FARS2: variants seen among roughly 807,000 people sequenced by gnomAD.
The protein encoded by FARS2 is phenylalanine--tRNA ligase, mitochondrial.
FARS2 carries 40 observed loss-of-function variants against 46.4 expected under a neutral mutation model. That is an observed-to-expected ratio of 0.86 (90% CI 0.67 to 1.12). The LOEUF is 1.12. FARS2 is among the 50% of genes most tolerant of loss of function. The pLI is 0.00. For missense variants in FARS2, 513 were observed against 567.9 expected (o/e 0.90, Z 0.98); for synonymous variants, 234 against 214.9 (o/e 1.09, Z -0.78).
intron 5 of FARS2, among the ~76,000 whole-genome samples, chr6:5,607,527 A>C (rs1231925546): frequency 3.3e-5 from 5 of 152,150 alleles, no homozygotes; most frequent in Admixed American, 6.5e-5. Context: ...AATAGATTAA[A>C]GTGACCTGTT....
intron 1 of FARS2, among the ~76,000 whole-genome samples, chr6:5,308,841 G>T (rs1262485744): frequency 6.6e-6 from 1 of 152,166 alleles, no homozygotes. Flanking sequence ...AGACCTCAAG[G>T]CTGGGGAGTC....
chr6:5,757,165 A>G (rs1170642816), intron 6 of FARS2, among the ~76,000 whole-genome samples: 2 of 133,544 alleles, frequency 1.5e-5, no homozygotes, highest in Non-Finnish European at 3.0e-5. Context: ...TAAGCCTGAC[A>G]TCTTTTTTTT....
chr6:5,266,755 C>T (rs757479090), intron 1 of FARS2, among the ~76,000 whole-genome samples: 4 of 152,032 alleles, frequency 2.6e-5, no homozygotes, highest in Non-Finnish European at 2.9e-5. Context: ...TAAAGCTAAC[C>T]GGTTTGTATT....
intron 6 of FARS2, among the ~76,000 whole-genome samples, chr6:5,663,010 C>CT (rs1777921143): frequency 6.6e-6 from 1 of 152,208 alleles, no homozygotes; most frequent in African/African-American, 2.4e-5. Flanking sequence ...CTTCGGAAGC[C>CT]TGTTACCTTC....
chr6:5,614,169 A>T (rs755509165), intron 6 of FARS2, among the ~76,000 whole-genome samples: 2 of 152,158 alleles, frequency 1.3e-5, no homozygotes, highest in Non-Finnish European at 2.9e-5. Flanking sequence ...GAAGCTATAG[A>T]AGGATAGGAG....
chr6:5,377,337 G>T (rs756517911), intron 2 of FARS2, among the ~76,000 whole-genome samples: 1 of 152,178 alleles, frequency 6.6e-6, no homozygotes, highest in Non-Finnish European at 1.5e-5. Context: ...CAGGCATTCC[G>T]CAGGTTGTTC....
At chr6:5,638,550 G>A (rs1776656023) in intron 6 of FARS2, among the ~76,000 whole-genome samples, 1 of 152,206 alleles carries the variant, frequency 6.6e-6, no homozygotes, top group South Asian at 2.1e-4. Context: ...GCCTGACAGA[G>A]CGAGACTCTG....
intron 4 of FARS2, among the ~76,000 whole-genome samples, chr6:5,537,573 T>C: frequency 7.0e-6 from 1 of 143,292 alleles, no homozygotes. Flanking sequence ...GGGCTTCCTC[T>C]CGAGTTGGAG....
At chr6:5,503,373 AACACACAC>A (rs72295741) in intron 4 of FARS2, among the ~76,000 whole-genome samples, 4 of 136,264 alleles carry the variant, frequency 2.9e-5, no homozygotes, top group Admixed American at 7.5e-5. Flanking sequence ...AGGTATTCTT[AACACACAC>A]ACACACACAC....
At chr6:5,581,455 A>C (rs1308709018) in intron 5 of FARS2, among the ~76,000 whole-genome samples, 2 of 152,198 alleles carry the variant, frequency 1.3e-5, no homozygotes. Flanking sequence ...GCTGCTGAAG[A>C]AGCTGAACAT....
chr6:5,355,805 C>G (rs1219501643), intron 1 of FARS2, among the ~76,000 whole-genome samples: 1 of 152,098 alleles, frequency 6.6e-6, no homozygotes. Flanking sequence ...CTGCTGTCTC[C>G]CAGCCACATC....
At chr6:5,625,846 C>T (rs1052006474) in intron 6 of FARS2, among the ~76,000 whole-genome samples, 7 of 152,156 alleles carry the variant, frequency 4.6e-5, no homozygotes, top group Non-Finnish European at 8.8e-5. Context: ...GATGGTCTCT[C>T]CGGAGAGGTG....
chr6:5,272,254 A>G (rs2127829181), intron 1 of FARS2, among the ~76,000 whole-genome samples: 1 of 152,348 alleles, frequency 6.6e-6, no homozygotes, highest in South Asian at 2.1e-4. Context: ...TTTGAGAGAG[A>G]GAAGAGACCA....
At chr6:5,675,645 C>T (rs1374054443) in intron 6 of FARS2, among the ~76,000 whole-genome samples, 2 of 152,174 alleles carry the variant, frequency 1.3e-5, no homozygotes, top group African/African-American at 2.4e-5. Flanking sequence ...CTCCAAGTTT[C>T]TGAATATTTC....
At chr6:5,285,135 C>T (rs1207331221) in intron 1 of FARS2, among the ~76,000 whole-genome samples, 1 of 152,078 alleles carries the variant, frequency 6.6e-6, no homozygotes, top group African/African-American at 2.4e-5. Flanking sequence ...AGACTTGAAG[C>T]GAGAAAGAAA....
At chr6:5,445,416 AT>A (rs928526534) in intron 4 of FARS2, among the ~76,000 whole-genome samples, 1 of 151,100 alleles carries the variant, frequency 6.6e-6, no homozygotes, top group South Asian at 2.1e-4. Context: ...TTCTTATATC[AT>A]TTTTTTTCAA....
At chr6:5,690,692 C>T (rs1175500856) in intron 6 of FARS2, among the ~76,000 whole-genome samples, 5 of 152,048 alleles carry the variant, frequency 3.3e-5, no homozygotes, top group Admixed American at 2.0e-4. Context: ...TTGCTCTTCT[C>T]GAGGAGTATC....
chr6:5,327,053 A>C (rs146910652), intron 1 of FARS2, among the ~76,000 whole-genome samples: 1 of 152,300 alleles, frequency 6.6e-6, no homozygotes, highest in African/African-American at 2.4e-5. Flanking sequence ...TGGAGCTGGC[A>C]ATAGCTGCTC....
chr6:5,692,361 T>C (rs959854227), intron 6 of FARS2, among the ~76,000 whole-genome samples: 3 of 152,208 alleles, frequency 2.0e-5, no homozygotes, highest in Non-Finnish European at 4.4e-5. Context: ...TTAGGCTGTT[T>C]AAAATTTATC....
Sources: allele counts gnomAD v4.1 joint callset (sites outside exome capture counted in the v4.1 genomes callset), GRCh38; gene constraint gnomAD v4.1.1; transcripts MANE v1.5; gene names NCBI Gene and HGNC (gene_info 2026-07-23, HGNC 2026-07-21).